RNF150: variants seen among roughly 807,000 people sequenced by gnomAD.
RNF150 encodes ring finger protein 150.
A neutral mutation model predicts 39.3 loss-of-function variants in RNF150; 24 were observed. The ratio of observed to expected loss-of-function variants is 0.61; its 90% CI spans 0.44 to 0.86. The LOEUF (loss-of-function observed/expected upper bound fraction) is 0.86. Ranked by LOEUF, RNF150 falls within the 40% of genes least tolerant of loss-of-function variation. RNF150 has a pLI of 0.00. For synonymous variants in RNF150, 255 were observed against 227.3 expected, an observed-to-expected ratio of 1.12 and a Z score of -1.10; for missense variants, 502 against 587.8, an observed-to-expected ratio of 0.85 and a Z score of 1.51.
chr4:140,865,364 A>C lies in RNF150; in HGVS notation c.*2897T>G, dbSNP rs902556801. 1 of 152,510 alleles carries C rather than the reference A, an allele frequency of 6.6e-6. No individual in the cohort carries two copies. The highest frequency in any genetic ancestry group is 2.4e-5 in the African/African-American group (1 of 41,418). 9.4% of individuals were successfully genotyped at this position (152,510 alleles called of 1,614,324 possible). ...TAGTCTAGACTCTTGCTATAGAAAA[A>C]TGCACATCTGCAAATACACATACAG... On this transcript the variant is annotated 3_prime_UTR_variant, in exon 7 of 7. Coordinates refer to ENST00000515673, the MANE Select transcript of RNF150 (RefSeq NM_020724.2).
intron 1 of RNF150, among the ~76,000 whole-genome samples, chr4:141,177,194 T>C (rs919287446): frequency 2.0e-5 from 3 of 152,078 alleles, no homozygotes; most frequent in African/African-American, 4.8e-5. Flanking sequence ...ATCACATTAC[T>C]GTACTCCAGC....
At chr4:141,034,469 A>C (rs943882206) in intron 1 of RNF150, among the ~76,000 whole-genome samples, 6 of 152,138 alleles carry the variant, frequency 3.9e-5, no homozygotes, top group African/African-American at 1.4e-4. Context: ...TTGTTCACTC[A>C]AGTAGCCCTT....
intron 4 of RNF150, among the ~76,000 whole-genome samples, chr4:140,937,350 AC>A (rs1731899484): frequency 1.3e-5 from 2 of 152,062 alleles, no homozygotes; most frequent in African/African-American, 4.8e-5. Context: ...AACCTTCACC[AC>A]CCAGGTTCAA....
At chr4:140,930,878 T>A (rs563977123) in intron 4 of RNF150, among the ~76,000 whole-genome samples, 1 of 152,204 alleles carries the variant, frequency 6.6e-6, no homozygotes, top group Non-Finnish European at 1.5e-5. Context: ...TAAGGCAGCA[T>A]CACAGTCATT....
intron 1 of RNF150, among the ~76,000 whole-genome samples, chr4:141,084,187 G>A (rs538389990): frequency 9.9e-5 from 15 of 152,186 alleles, no homozygotes; most frequent in South Asian, 4.1e-4. Flanking sequence ...GCAGATAACC[G>A]TTTCCACGAC....
In RNF150 at chr4:140,860,737, A is replaced by G. The variant is rs947470767; in HGVS notation, c.*7524T>C. 3.3e-5 allele frequency: 5 copies of G among 152,300 alleles called. No individual in the cohort carries two copies. The East Asian group carries it at 7.7e-4, about 23-fold the overall frequency. 9.4% of individuals were successfully genotyped at this position (152,300 alleles called of 1,614,324 possible). ...GATTATTTATAATTGTAAATTCATT[A>G]TTTGCAGATTTTTTTCTAGTGGGAA... is the stretch of plus-strand genomic sequence containing the variant. On this transcript the variant is annotated 3_prime_UTR_variant, in exon 7 of 7. Transcript: ENST00000515673.
chr4:141,184,023 A>G (rs541593379), intron 1 of RNF150, among the ~76,000 whole-genome samples: 6 of 152,356 alleles, frequency 3.9e-5, no homozygotes, highest in African/African-American at 1.4e-4. Flanking sequence ...GTATATACCC[A>G]GTAATGGGAT....
intron 1 of RNF150, among the ~76,000 whole-genome samples, chr4:141,106,389 C>T (rs574672904): frequency 6.6e-6 from 1 of 152,266 alleles, no homozygotes; most frequent in East Asian, 1.9e-4. Flanking sequence ...CAGTGAAAAA[C>T]ACTTTTGAAT....
chr4:141,081,174 T>A (rs1197439504), intron 1 of RNF150, among the ~76,000 whole-genome samples: 1 of 151,710 alleles, frequency 6.6e-6, no homozygotes, highest in African/African-American at 2.4e-5. Flanking sequence ...ATTGGGACAA[T>A]TTTATTTTAC....
chr4:140,926,397 C>T (rs1365641620), intron 4 of RNF150, among the ~76,000 whole-genome samples: 1 of 152,174 alleles, frequency 6.6e-6, no homozygotes, highest in East Asian at 1.9e-4. Context: ...AGTGGGGAAA[C>T]TTGTACACAC....
At chr4:140,948,907 T>C (rs930658933) in intron 3 of RNF150, among the ~76,000 whole-genome samples, 3 of 152,214 alleles carry the variant, frequency 2.0e-5, no homozygotes, top group African/African-American at 7.2e-5. Flanking sequence ...TTTGATTTTA[T>C]CTCATGGGAC....
chr4:141,177,055 A>G (rs62324943), intron 1 of RNF150, among the ~76,000 whole-genome samples: 1 of 858 alleles, frequency 1.2e-3, no homozygotes. Flanking sequence ...GTCTCCTAGG[A>G]AAAAAAAAAA....
At chr4:140,919,887 T>C (rs1042655232) in intron 5 of RNF150, among the ~76,000 whole-genome samples, 6 of 152,026 alleles carry the variant, frequency 3.9e-5, no homozygotes, top group African/African-American at 1.4e-4. Flanking sequence ...ACGCCACATA[T>C]CTACAAATAT....
At position 141,074,336 on chromosome 4, in the gene RNF150, G is replaced by T. The variant is rs1239701477; in HGVS notation, c.484+57989C>A. 2.0e-5 allele frequency among the ~76,000 whole-genome samples: 3 copies of T among 151,194 alleles called. No homozygotes were observed. The East Asian group carries it at 5.8e-4, about 29-fold the overall frequency. On this transcript the variant is annotated intron_variant, in intron 1 of 6. Coordinates refer to ENST00000515673, the MANE Select transcript of RNF150 (RefSeq NM_020724.2). The stretch of plus-strand genomic sequence containing the variant: ...ATATGCCTGGCCACTAGATAAAGGG[G>T]AATTCTGACCACAGTCAGAATGGGA...
At chr4:140,888,584 A>G (rs557145760) in intron 6 of RNF150, among the ~76,000 whole-genome samples, 1 of 152,330 alleles carries the variant, frequency 6.6e-6, no homozygotes, top group East Asian at 1.9e-4. Context: ...AAGAGATACA[A>G]ATGAGGTAAG....
chr4:140,900,623 G>A (rs1468404835), intron 6 of RNF150, among the ~76,000 whole-genome samples: 1 of 152,162 alleles, frequency 6.6e-6, no homozygotes, highest in African/African-American at 2.4e-5. Context: ...ACAATCTAGA[G>A]CTCTCAGGCC....
intron 6 of RNF150, among the ~76,000 whole-genome samples, chr4:140,891,498 A>G (rs1729752825): frequency 6.6e-6 from 1 of 152,132 alleles, no homozygotes; most frequent in African/African-American, 2.4e-5. Flanking sequence ...AAAATTGACA[A>G]TAATAACTGC....
At chr4:141,160,586 C>A (rs1170573961) in intron 1 of RNF150, among the ~76,000 whole-genome samples, 16 of 152,196 alleles carry the variant, frequency 1.1e-4, no homozygotes, top group Non-Finnish European at 1.5e-5. Context: ...AAATAGTAAT[C>A]CCCAGTGTTG....
At chr4:141,073,040 C>T (rs1737764645) in intron 1 of RNF150, among the ~76,000 whole-genome samples, 1 of 152,008 alleles carries the variant, frequency 6.6e-6, no homozygotes, top group Admixed American at 6.6e-5. Flanking sequence ...TATCTGTGAT[C>T]CCTCAGGGCA....
Sources: allele counts gnomAD v4.1 joint callset (sites outside exome capture counted in the v4.1 genomes callset), GRCh38; gene constraint gnomAD v4.1.1; transcripts MANE v1.5; gene names NCBI Gene and HGNC (gene_info 2026-07-23, HGNC 2026-07-21).